Variants in MSRA observed in about 807,000 individuals in gnomAD.
MSRA encodes the protein mitochondrial peptide methionine sulfoxide reductase.
In MSRA, 54 loss-of-function variants were observed where a neutral mutation model predicts 31.3. The observed-to-expected ratio is 1.73, with a 90% CI of 1.39 to 2.17. The LOEUF is 2.17. MSRA is among the 30% of genes most tolerant of loss of function. The pLI is 0.00. For missense variants in MSRA, 507 were observed against 300.9 expected, an observed-to-expected ratio of 1.69 and a Z score of -5.07; for synonymous variants, 169 against 116.5, an observed-to-expected ratio of 1.45 and a Z score of -2.90.
At chr8:10,271,214 G>C (rs563980955) in intron 3 of MSRA, among the ~76,000 whole-genome samples, 1 of 152,100 alleles carries the variant, frequency 6.6e-6, no homozygotes, top group Non-Finnish European at 1.5e-5. Flanking sequence ...TACACAGATG[G>C]CATATAGCAT....
rs79996357 is a variant in MSRA at position 10,293,782 on chromosome 8, G to T, written c.332-7752G>T. On this transcript the variant is annotated intron_variant, in intron 3 of 5. Coordinates refer to ENST00000317173, the MANE Select transcript of MSRA (RefSeq NM_012331.5). Reference sequence around the variant, plus strand: ...CCTTCTCTTCCTCCTTGCCCTCTGGGGCTCCTGTGAGTCTCCTGATGACTG... The same window carrying T: ...CCTTCTCTTCCTCCTTGCCCTCTGGTGCTCCTGTGAGTCTCCTGATGACTG... Among the ~76,000 whole-genome samples, 939 of 151,988 alleles carry T rather than the reference G, an allele frequency of 6.2e-3. 7 individuals carry two copies. Among genetic ancestry groups the T allele is most frequent in the African/African-American group, 0.022 (907 of 41,432 alleles).
chr8:10,155,673 T>C (rs12334964), intron 1 of MSRA, among the ~76,000 whole-genome samples: 37,619 of 152,054 alleles, frequency 0.25, 5,597 homozygotes, highest in East Asian at 0.5. Flanking sequence ...GGACATTGGC[T>C]GACATGGTCT....
chr8:10,104,185 C>A (rs562489243), intron 1 of MSRA, among the ~76,000 whole-genome samples: 1 of 152,128 alleles, frequency 6.6e-6, no homozygotes, highest in Non-Finnish European at 1.5e-5. Context: ...TCTGGGTGAT[C>A]TCTAGAGGAG....
chr8:10,319,481 C>A (rs1438693321), intron 4 of MSRA, among the ~76,000 whole-genome samples: 1 of 152,122 alleles, frequency 6.6e-6, no homozygotes, highest in African/African-American at 2.4e-5. Flanking sequence ...CCTCATCCAC[C>A]AAGGGAGGGA....
At chr8:10,226,027 T>C (rs1339935196) in intron 2 of MSRA, among the ~76,000 whole-genome samples, 1 of 152,242 alleles carries the variant, frequency 6.6e-6, no homozygotes, top group Non-Finnish European at 1.5e-5. Context: ...GAAGAGCTCA[T>C]GATGCTAGTC....
At chr8:10,285,563 C>T (rs1563309773) in intron 3 of MSRA, among the ~76,000 whole-genome samples, 1 of 152,096 alleles carries the variant, frequency 6.6e-6, no homozygotes. Context: ...TATAGTCAGT[C>T]TGTAGGGTTC....
intron 3 of MSRA, among the ~76,000 whole-genome samples, chr8:10,281,984 G>T (rs977217406): frequency 6.6e-6 from 1 of 152,206 alleles, no homozygotes. Flanking sequence ...TCTTTCGAAG[G>T]TGGAGGGTTA....
At chr8:10,134,267 G>A (rs759561608) in intron 1 of MSRA, among the ~76,000 whole-genome samples, 1 of 152,186 alleles carries the variant, frequency 6.6e-6, no homozygotes, top group Non-Finnish European at 1.5e-5. Context: ...TGAGCACGTT[G>A]GTTGCTATTA....
At chr8:10,368,077 A>G (rs1470335043) in intron 5 of MSRA, among the ~76,000 whole-genome samples, 1 of 152,182 alleles carries the variant, frequency 6.6e-6, no homozygotes, top group Non-Finnish European at 1.5e-5. Context: ...GTCCTGCCAC[A>G]GCAGAGCCAG....
chr8:10,382,736 TG>T (rs544695826), intron 5 of MSRA, among the ~76,000 whole-genome samples: 102 of 152,300 alleles, frequency 6.7e-4, no homozygotes, highest in African/African-American at 2.3e-3. Context: ...GGGGCAAGAA[TG>T]GCATTTCTGG....
At chr8:10,158,268 G>C (rs1391502328) in intron 1 of MSRA, among the ~76,000 whole-genome samples, 1 of 152,204 alleles carries the variant, frequency 6.6e-6, no homozygotes, top group Non-Finnish European at 1.5e-5. Context: ...CGTAGCAAAT[G>C]GGTATGAACT....
chr8:10,247,484 A>G (rs191116728), intron 3 of MSRA, among the ~76,000 whole-genome samples: 1 of 152,336 alleles, frequency 6.6e-6, no homozygotes, highest in African/African-American at 2.4e-5. Context: ...GTGTGCTTTT[A>G]AATGATTAAG....
chr8:10,352,368 C>G (rs867756703), intron 5 of MSRA, among the ~76,000 whole-genome samples: 3 of 151,950 alleles, frequency 2.0e-5, no homozygotes, highest in Admixed American at 6.5e-5. Flanking sequence ...AGGGGAAAAT[C>G]TAGTGTTTGG....
chr8:10,184,062 G>A (rs1377341080), intron 1 of MSRA, among the ~76,000 whole-genome samples: 1 of 150,954 alleles, frequency 6.6e-6, no homozygotes, highest in African/African-American at 2.4e-5. Context: ...GTTGGTGTTG[G>A]TAGTGGTTTT....
chr8:10,215,646 G>T (rs944816887), intron 2 of MSRA, among the ~76,000 whole-genome samples: 5 of 152,220 alleles, frequency 3.3e-5, no homozygotes, highest in Non-Finnish European at 7.3e-5. Context: ...GTACTGAGAA[G>T]CCCATGTTAT....
At chr8:10,121,989 A>G (rs1227339527) in intron 1 of MSRA, among the ~76,000 whole-genome samples, 1 of 151,846 alleles carries the variant, frequency 6.6e-6, no homozygotes, top group African/African-American at 2.4e-5. Context: ...GTTTTGTAGG[A>G]CTTTTAGAAA....
intron 3 of MSRA, among the ~76,000 whole-genome samples, chr8:10,246,962 C>T (rs756500204): frequency 7.2e-5 from 11 of 152,074 alleles, no homozygotes; most frequent in African/African-American, 1.4e-4. Flanking sequence ...TAATTCCAGA[C>T]GTGACTTAAT....
chr8:10,197,347 A>G (rs1393969609), intron 1 of MSRA, among the ~76,000 whole-genome samples: 2 of 152,192 alleles, frequency 1.3e-5, no homozygotes, highest in African/African-American at 4.8e-5. Context: ...TAAAAATGGA[A>G]TTAATGATGA....
At chr8:10,106,702 G>T (rs1397787581) in intron 1 of MSRA, among the ~76,000 whole-genome samples, 8 of 152,154 alleles carry the variant, frequency 5.3e-5, no homozygotes, top group Non-Finnish European at 1.5e-5. Context: ...TTTCACATTT[G>T]TTCACTCTGT....
Sources: allele counts gnomAD v4.1 joint callset (sites outside exome capture counted in the v4.1 genomes callset), GRCh38; gene constraint gnomAD v4.1.1; transcripts MANE v1.5; gene names NCBI Gene and HGNC (gene_info 2026-07-23, HGNC 2026-07-21).